The following LRRC4C variants were observed in gnomAD, a reference collection of about 807,000 sequenced individuals.
LRRC4C encodes the protein leucine-rich repeat-containing protein 4C.
LRRC4C carries 5 observed loss-of-function variants against 33.6 expected under a neutral mutation model. That is an observed-to-expected ratio of 0.15 (90% CI 0.08 to 0.31). The LOEUF is 0.31. LRRC4C is among the 10% of genes least tolerant of loss of function. The pLI is 1.00. For missense variants in LRRC4C, 560 were observed against 796.7 expected (o/e 0.70, Z 3.58); for synonymous variants, 329 against 302.0 (o/e 1.09, Z -0.93).
chr11:41,338,389 T>C (rs753688362), intron 1 of LRRC4C, among the ~76,000 whole-genome samples: 28 of 152,128 alleles, frequency 1.8e-4, no homozygotes, highest in Non-Finnish European at 3.5e-4. Flanking sequence ...TCATGTCCCT[T>C]GCAGGGACAT....
At chr11:40,723,999 A>G (rs1358199002) in intron 2 of LRRC4C, among the ~76,000 whole-genome samples, 1 of 151,176 alleles carries the variant, frequency 6.6e-6, no homozygotes, top group Non-Finnish European at 1.5e-5. Context: ...CAACAACATT[A>G]AAAAAAAAGA....
intron 3 of LRRC4C, among the ~76,000 whole-genome samples, chr11:40,568,933 CTG>C (rs2135552234): frequency 6.6e-6 from 1 of 152,254 alleles, no homozygotes; most frequent in East Asian, 1.9e-4. Context: ...TGATCATATT[CTG>C]AGTTCAATAT....
intron 2 of LRRC4C, among the ~76,000 whole-genome samples, chr11:40,907,723 T>G (rs749969137): frequency 6.6e-6 from 1 of 152,200 alleles, no homozygotes; most frequent in Non-Finnish European, 1.5e-5. Flanking sequence ...AACACATTAT[T>G]CAATGTCTTC....
intron 4 of LRRC4C, among the ~76,000 whole-genome samples, chr11:40,247,340 G>A (rs1370986429): frequency 6.6e-6 from 1 of 152,080 alleles, no homozygotes; most frequent in African/African-American, 2.4e-5. Context: ...TACCAGGAAG[G>A]CTAGAATCTT....
chr11:40,717,033 C>G (rs1054532066), intron 2 of LRRC4C, among the ~76,000 whole-genome samples: 2 of 152,070 alleles, frequency 1.3e-5, no homozygotes, highest in African/African-American at 2.4e-5. Flanking sequence ...TTGTTCTCAC[C>G]CTGGAAGATT....
At chr11:41,367,345 C>G (rs923250901) in intron 1 of LRRC4C, among the ~76,000 whole-genome samples, 1 of 152,046 alleles carries the variant, frequency 6.6e-6, no homozygotes, top group Non-Finnish European at 1.5e-5. Context: ...AGTAATCTCA[C>G]GGCCTTCTTC....
At chr11:40,653,124 C>A (rs1942903463) in intron 2 of LRRC4C, among the ~76,000 whole-genome samples, 1 of 152,306 alleles carries the variant, frequency 6.6e-6, no homozygotes, top group East Asian at 1.9e-4. Context: ...TCAGGCAGTT[C>A]TTCATAGCAG....
intron 1 of LRRC4C, among the ~76,000 whole-genome samples, chr11:41,418,054 T>C (rs1954751292): frequency 6.6e-6 from 1 of 151,782 alleles, no homozygotes; most frequent in African/African-American, 2.4e-5. Context: ...TAAACTCTAT[T>C]AGAAAATTAC....
At chr11:40,379,999 T>G (rs1948802849) in intron 3 of LRRC4C, among the ~76,000 whole-genome samples, 4 of 152,156 alleles carry the variant, frequency 2.6e-5, no homozygotes, top group Admixed American at 2.6e-4. Context: ...GCAATGCAGA[T>G]TAATAAATGG....
intron 1 of LRRC4C, among the ~76,000 whole-genome samples, chr11:41,211,110 G>C (rs540555604): frequency 1.6e-4 from 25 of 152,282 alleles, no homozygotes; most frequent in African/African-American, 5.8e-4. Context: ...GTACAAGTCT[G>C]TGGCCCCAGG....
chr11:41,024,524 C>T (rs1208842690), intron 1 of LRRC4C, among the ~76,000 whole-genome samples: 2 of 151,714 alleles, frequency 1.3e-5, no homozygotes, highest in Non-Finnish European at 3.0e-5. Context: ...CCTTTATCTA[C>T]AGACATCATT....
intron 4 of LRRC4C, among the ~76,000 whole-genome samples, chr11:40,257,070 G>A (rs1867266344): frequency 6.6e-6 from 1 of 152,076 alleles, no homozygotes; most frequent in South Asian, 2.1e-4. Context: ...TTTGGCTCTT[G>A]TATTTTGAAG....
At chr11:40,640,400 T>A (rs1466346730) in intron 3 of LRRC4C, among the ~76,000 whole-genome samples, 3 of 152,112 alleles carry the variant, frequency 2.0e-5, no homozygotes, top group Non-Finnish European at 4.4e-5. Flanking sequence ...TCTCATGAAC[T>A]ATTGCCTTTA....
intron 1 of LRRC4C, among the ~76,000 whole-genome samples, chr11:41,015,608 CG>C (rs1328049691): frequency 1.3e-5 from 2 of 152,090 alleles, no homozygotes; most frequent in African/African-American, 2.4e-5. Flanking sequence ...GCCACTGAGC[CG>C]GGCCTGATAA....
chr11:40,721,206 C>A (rs760366345), intron 2 of LRRC4C, among the ~76,000 whole-genome samples: 2 of 152,052 alleles, frequency 1.3e-5, no homozygotes, highest in Admixed American at 6.6e-5. Context: ...GAAGATAAGG[C>A]CTTTGGGAAG....
chr11:41,102,484 A>G (rs1398044119), intron 1 of LRRC4C, among the ~76,000 whole-genome samples: 3 of 152,064 alleles, frequency 2.0e-5, no homozygotes, highest in Admixed American at 2.0e-4. Flanking sequence ...ATTGAAGTAT[A>G]TTCTCTCCAA....
At chr11:40,118,847 T>G (rs1855624862) in intron 6 of LRRC4C, among the ~76,000 whole-genome samples, 1 of 152,188 alleles carries the variant, frequency 6.6e-6, no homozygotes, top group South Asian at 2.1e-4. Flanking sequence ...AAGAATGCTA[T>G]CATCAGCTTT....
At chr11:41,124,130 TCA>T (rs1318849802) in intron 1 of LRRC4C, among the ~76,000 whole-genome samples, 12 of 152,190 alleles carry the variant, frequency 7.9e-5, no homozygotes, top group Non-Finnish European at 1.5e-4. Flanking sequence ...AAACATCTTA[TCA>T]AAAATGGTAA....
chr11:40,714,278 G>A (rs1002735797), intron 2 of LRRC4C, among the ~76,000 whole-genome samples: 4 of 152,182 alleles, frequency 2.6e-5, no homozygotes, highest in African/African-American at 7.2e-5. Flanking sequence ...GTACAAGAAA[G>A]TAAACGTTTA....
Sources: gnomAD v4.1 joint callset for allele counts (sites outside exome capture counted in the v4.1 genomes callset) on GRCh38, gnomAD v4.1.1 for gene constraint, MANE v1.5 for transcripts, NCBI Gene and HGNC (gene_info 2026-07-23, HGNC 2026-07-21) for gene names.